The following MICU1 variants were observed in gnomAD, a reference collection of about 807,000 sequenced individuals.
MICU1 encodes the protein mitochondrial calcium uptake 1.
In MICU1, 45 loss-of-function variants were observed where a neutral mutation model predicts 56.8. The ratio of observed to expected loss-of-function variants is 0.79; its 90% confidence interval spans 0.62 to 1.02. The LOEUF (loss-of-function observed/expected upper bound fraction) is 1.02. MICU1 is among the 50% of genes least tolerant of loss of function. The pLI, the probability that MICU1 is intolerant of heterozygous loss-of-function variation, is 0.00. For missense variants in MICU1, 504 were observed against 587.1 expected, an observed-to-expected ratio of 0.86 and a Z score of 1.46; for synonymous variants, 186 against 195.1, an observed-to-expected ratio of 0.95 and a Z score of 0.39.
intron 8 of MICU1, among the ~76,000 whole-genome samples, chr10:72,445,244 T>C (rs1198084395): frequency 2.0e-5 from 3 of 152,170 alleles, no homozygotes; most frequent in Non-Finnish European, 4.4e-5. Context: ...TAGGTAAAAA[T>C]GGTAGGTACA....
At chr10:72,464,547 T>C (rs1321239071) in intron 8 of MICU1, among the ~76,000 whole-genome samples, 4 of 152,102 alleles carry the variant, frequency 2.6e-5, no homozygotes, top group African/African-American at 9.7e-5. Context: ...TAACATGCTG[T>C]ATAGGTTTGT....
chr10:72,486,812 C>T (rs1866489698), intron 6 of MICU1, among the ~76,000 whole-genome samples: 1 of 151,982 alleles, frequency 6.6e-6, no homozygotes. Context: ...AAAGGGTCTT[C>T]AAAAAGTTTA....
At position 72,521,368 on chromosome 10, in the gene MICU1, C is replaced by CA. The variant is rs377073586; in HGVS notation, c.537+12377dup. 2.5e-3 allele frequency among the ~76,000 whole-genome samples: 385 copies of CA among 152,044 alleles called. 4 individuals are homozygous for CA. The highest frequency in any genetic ancestry group is 8.9e-3 in the African/African-American group (369 of 41,514). On this transcript the variant is annotated intron_variant, in intron 5 of 11. Coordinates refer to ENST00000361114, the MANE Select transcript of MICU1 (RefSeq NM_001195518.2). ...TAGGTATCCCTTAAGCACCAATGACCATTAAAGACAACATTAAAGACCATG... is the reference window on the plus strand; with the variant it reads ...TAGGTATCCCTTAAGCACCAATGACCAATTAAAGACAACATTAAAGACCATG...
At chr10:72,500,098 G>A (rs2132324407) in intron 6 of MICU1, among the ~76,000 whole-genome samples, 1 of 151,546 alleles carries the variant, frequency 6.6e-6, no homozygotes, top group African/African-American at 2.4e-5. Context: ...ATCAAAATGA[G>A]AATATAATGA....
At chr10:72,499,787 A>C (rs778000989) in intron 6 of MICU1, among the ~76,000 whole-genome samples, 18 of 152,302 alleles carry the variant, frequency 1.2e-4, no homozygotes, top group Non-Finnish European at 2.6e-4. Flanking sequence ...ACTCGACCTG[A>C]AAAACTTATT....
intron 1 of MICU1, among the ~76,000 whole-genome samples, chr10:72,589,988 G>A (rs1841176874): frequency 6.6e-6 from 1 of 151,744 alleles, no homozygotes; most frequent in Non-Finnish European, 1.5e-5. Flanking sequence ...ATTCAAGCCT[G>A]TGCAACATAG....
chr10:72,491,868 C>T lies in MICU1; in HGVS notation c.653-14612G>A, dbSNP rs570091304. On this transcript the variant is annotated intron_variant, in intron 6 of 11. Transcript: ENST00000361114. The stretch of plus-strand genomic sequence containing the variant: ...AATTCTACAGTACCATAAACACAGG[C>T]GTGACTACAAGATAGGCTTTGCAAA... Among the ~76,000 whole-genome samples the T allele has an allele frequency of 8.6e-5, 13 of 151,696 alleles. No individual in the cohort carries two copies. In the South Asian group the frequency reaches 2.5e-3, roughly 29 times the overall value.
At chr10:72,566,875 A>G in intron 1 of MICU1, 81 bp from the exon 2 acceptor site, 1 of 1,230,546 alleles carries the variant, frequency 8.1e-7, no homozygotes, top group Middle Eastern at 2.1e-4. Context: ...AACATTTCTA[A>G]TAAACACTAA....
chr10:72,435,385 CAAAAAAAAAAA>C (rs34955776), intron 8 of MICU1, among the ~76,000 whole-genome samples: 7 of 48,058 alleles, frequency 1.5e-4, no homozygotes, highest in Non-Finnish European at 2.5e-4. Context: ...GACCCTGTTA[CAAAAAAAAAAA>C]AAAAAAAAAA....
At chr10:72,609,595 G>A (rs534648561) in intron 1 of MICU1, among the ~76,000 whole-genome samples, 2 of 151,928 alleles carry the variant, frequency 1.3e-5, no homozygotes, top group African/African-American at 4.8e-5. Context: ...TTAGCTGGGT[G>A]TGGTGGCAGG....
intron 1 of MICU1, among the ~76,000 whole-genome samples, chr10:72,615,989 A>AAAAAAAC (rs142035136): frequency 6.6e-6 from 1 of 152,242 alleles, no homozygotes; most frequent in South Asian, 2.1e-4. Context: ...ACTCCGTCTC[A>AAAAAAAC]AAAAAACAAA....
intron 8 of MICU1, among the ~76,000 whole-genome samples, chr10:72,435,670 C>T (rs1034225347): frequency 3.3e-5 from 5 of 152,192 alleles, no homozygotes; most frequent in African/African-American, 1.2e-4. Flanking sequence ...CCTGGAAAAA[C>T]GGGACACTCC....
At chr10:72,566,379 A>G (rs1168082188) in intron 2 of MICU1, among the ~76,000 whole-genome samples, 1 of 152,090 alleles carries the variant, frequency 6.6e-6, no homozygotes, top group Non-Finnish European at 1.5e-5. Flanking sequence ...TGCTATTGCT[A>G]TCCCTATCCC....
chr10:72,455,217 T>C (rs1394691392), intron 8 of MICU1, among the ~76,000 whole-genome samples: 2 of 151,512 alleles, frequency 1.3e-5, no homozygotes, highest in African/African-American at 2.4e-5. Flanking sequence ...CCGGATGTGG[T>C]GGTGGGCGCC....
chr10:72,587,836 TA>T (rs1167813817), intron 1 of MICU1, among the ~76,000 whole-genome samples: 1 of 152,084 alleles, frequency 6.6e-6, no homozygotes, highest in Non-Finnish European at 1.5e-5. Flanking sequence ...TTTAATTTAA[TA>T]AAATACTATT....
intron 8 of MICU1, among the ~76,000 whole-genome samples, chr10:72,429,850 G>A (rs1020936113): frequency 6.6e-6 from 1 of 152,080 alleles, no homozygotes; most frequent in Non-Finnish European, 1.5e-5. Context: ...GTTAATTCTC[G>A]CAATGCTATA....
intron 5 of MICU1, among the ~76,000 whole-genome samples, chr10:72,515,412 G>C (rs527503229): frequency 4.7e-4 from 71 of 152,232 alleles, no homozygotes; most frequent in Non-Finnish European, 7.4e-4. Flanking sequence ...AACCTTGACA[G>C]TTTTAAAAGG....
At chr10:72,402,981 G>A (rs1863505293) in intron 10 of MICU1, among the ~76,000 whole-genome samples, 1 of 152,180 alleles carries the variant, frequency 6.6e-6, no homozygotes, top group Non-Finnish European at 1.5e-5. Flanking sequence ...GGACATGGAG[G>A]CTGCAGTGAG....
At chr10:72,621,787 C>T (rs1842111219) in intron 1 of MICU1, among the ~76,000 whole-genome samples, 1 of 152,040 alleles carries the variant, frequency 6.6e-6, no homozygotes, top group Non-Finnish European at 1.5e-5. Context: ...CAGATACACA[C>T]ACTGGAAGAG....
Sources: gnomAD v4.1 joint callset for allele counts (sites outside exome capture counted in the v4.1 genomes callset) on GRCh38, gnomAD v4.1.1 for gene constraint, MANE v1.5 for transcripts, NCBI Gene and HGNC (gene_info 2026-07-23, HGNC 2026-07-21) for gene names.